JAM2: variants seen among roughly 807,000 people sequenced by gnomAD.
The protein encoded by JAM2 is junctional adhesion molecule B.
JAM2 carries 17 observed loss-of-function variants against 42.0 expected under a neutral mutation model. The observed-to-expected ratio is 0.40, with a 90% CI of 0.28 to 0.61. JAM2 has a LOEUF of 0.61. JAM2 is among the 20% of genes least tolerant of loss of function. JAM2 has a pLI of 0.37. For missense variants in JAM2, 319 were observed against 358.3 expected (o/e 0.89, Z 0.89); for synonymous variants, 118 against 128.6 (o/e 0.92, Z 0.56).
chr21:25,683,165 C>T (rs966634602), intron 1 of JAM2, among the ~76,000 whole-genome samples: 7 of 151,548 alleles, frequency 4.6e-5, no homozygotes, highest in Non-Finnish European at 1.0e-4. Flanking sequence ...TACTTCCTGT[C>T]TCCTATCTGT....
chr21:25,666,474 G>A (rs1279341071), intron 1 of JAM2, among the ~76,000 whole-genome samples: 4 of 151,920 alleles, frequency 2.6e-5, no homozygotes, highest in Admixed American at 6.6e-5. Context: ...ACAGGCACCC[G>A]CCACCACACC....
At chr21:25,676,073 A>G (rs991473793) in intron 1 of JAM2, among the ~76,000 whole-genome samples, 7 of 152,092 alleles carry the variant, frequency 4.6e-5, no homozygotes, top group African/African-American at 7.2e-5. Flanking sequence ...AGATCACTTG[A>G]GGTCAGGAGT....
intron 1 of JAM2, among the ~76,000 whole-genome samples, chr21:25,671,475 C>T (rs1039853110): frequency 1.3e-5 from 2 of 151,934 alleles, no homozygotes; most frequent in African/African-American, 4.8e-5. Context: ...TTATTATATA[C>T]AACCTATTTT....
intron 9 of JAM2, chr21:25,714,258 G>A: frequency 7.7e-7 from 1 of 1,292,232 alleles, no homozygotes; most frequent in Non-Finnish European, 1.0e-6. Context: ...TGTAATCCCA[G>A]CACTTTGGAA....
At chr21:25,660,441 G>T (rs1453085145) in intron 1 of JAM2, among the ~76,000 whole-genome samples, 4 of 152,002 alleles carry the variant, frequency 2.6e-5, no homozygotes, top group Non-Finnish European at 5.9e-5. Context: ...CTTCCCCCAG[G>T]GGGTACTGTG....
intron 6 of JAM2, among the ~76,000 whole-genome samples, chr21:25,705,299 T>C (rs2034249456): frequency 6.6e-6 from 1 of 152,218 alleles, no homozygotes; most frequent in South Asian, 2.1e-4. Flanking sequence ...AGTGCAATCA[T>C]AGTTCACTAT....
chr21:25,659,901 T>C (rs1005852462), intron 1 of JAM2, among the ~76,000 whole-genome samples: 3 of 152,158 alleles, frequency 2.0e-5, no homozygotes, highest in Non-Finnish European at 4.4e-5. Context: ...TAGTGTCTTC[T>C]CCTATACCTC....
chr21:25,710,394 A>G (rs139623090), intron 8 of JAM2, among the ~76,000 whole-genome samples: 56 of 152,326 alleles, frequency 3.7e-4, no homozygotes, highest in Admixed American at 1.2e-3. Flanking sequence ...GTAATACTAT[A>G]TAGTATATCA....
chr21:25,698,412 C>A (rs2034087195), intron 4 of JAM2, among the ~76,000 whole-genome samples: 1 of 152,092 alleles, frequency 6.6e-6, no homozygotes. Context: ...ATCACTTTTT[C>A]CCACATTCCA....
At chr21:25,660,584 C>T (rs2033052790) in intron 1 of JAM2, among the ~76,000 whole-genome samples, 2 of 151,444 alleles carry the variant, frequency 1.3e-5, no homozygotes, top group Admixed American at 1.3e-4. Flanking sequence ...TCCTGAGTCC[C>T]TCATTTTTCA....
chr21:25,669,465 C>G (rs1020868482), intron 1 of JAM2, among the ~76,000 whole-genome samples: 1 of 151,938 alleles, frequency 6.6e-6, no homozygotes, highest in African/African-American at 2.4e-5. Context: ...TCCTCATACG[C>G]GATTATTGTA....
chr21:25,643,772 A>G (rs1185178099), intron 1 of JAM2: 1 of 152,212 alleles, frequency 6.6e-6, no homozygotes, highest in African/African-American at 2.4e-5. Context: ...GCCTGAGCAC[A>G]GTGAGTTCCC....
chr21:25,714,769 A>G lies in JAM2; in HGVS notation c.*97A>G. The G allele has an allele frequency of 1.3e-6, 1 of 759,418 alleles. No homozygotes were observed. The highest frequency in any genetic ancestry group is 2.0e-6 in the Non-Finnish European group (1 of 487,840). 47.0% of individuals were successfully genotyped at this position (759,418 alleles called of 1,614,324 possible). A position where few individuals can be genotyped will look rare whatever the true frequency, so the allele number is the denominator to read the frequency against. ...TTGTCCGACATTTGCAAAGAGGTAC[A>G]CGAGGAAATGGAATTGGTATTTCAT... On this transcript the variant is annotated 3_prime_UTR_variant, in exon 10 of 10. Transcript: ENST00000480456.
chr21:25,693,182 C>A (rs1460205401), intron 3 of JAM2, among the ~76,000 whole-genome samples: 1 of 150,832 alleles, frequency 6.6e-6, no homozygotes, highest in Non-Finnish European at 1.5e-5. Context: ...ACAACACTGC[C>A]AAAAAAGTTA....
chr21:25,697,516 C>A (rs1028099711), intron 4 of JAM2, among the ~76,000 whole-genome samples: 1 of 152,030 alleles, frequency 6.6e-6, no homozygotes, highest in Non-Finnish European at 1.5e-5. Flanking sequence ...TCCCTGAGAC[C>A]AGAATAACAC....
At chr21:25,650,509 G>C (rs1360220669) in intron 1 of JAM2, among the ~76,000 whole-genome samples, 1 of 152,108 alleles carries the variant, frequency 6.6e-6, no homozygotes, top group Non-Finnish European at 1.5e-5. Context: ...ATGCTGGCAT[G>C]TTCAAAAAAC....
chr21:25,695,611 C>T (rs951830483), intron 4 of JAM2, among the ~76,000 whole-genome samples: 47 of 144,664 alleles, frequency 3.2e-4, no homozygotes, highest in African/African-American at 1.1e-3. Flanking sequence ...GGCGCCCCCC[C>T]ACCTCCCTCC....
At chr21:25,705,571 A>G (rs1472040276) in intron 6 of JAM2, among the ~76,000 whole-genome samples, 1 of 152,030 alleles carries the variant, frequency 6.6e-6, no homozygotes, top group African/African-American at 2.4e-5. Context: ...GTTTTTCTTT[A>G]TTTGTGAAAT....
At chr21:25,713,205 C>G (rs1405859072) in intron 9 of JAM2, among the ~76,000 whole-genome samples, 2 of 152,164 alleles carry the variant, frequency 1.3e-5, no homozygotes, top group East Asian at 3.9e-4. Flanking sequence ...CACAAACATT[C>G]AGACCAGAGC....
Sources: gnomAD v4.1 joint callset for allele counts (sites outside exome capture counted in the v4.1 genomes callset) on GRCh38, gnomAD v4.1.1 for gene constraint, MANE v1.5 for transcripts, NCBI Gene and HGNC (gene_info 2026-07-23, HGNC 2026-07-21) for gene names.